RXFP1: variants seen among roughly 807,000 people sequenced by gnomAD.
RXFP1 encodes the protein relaxin family peptide receptor 1, also known as relaxin receptor 1.
RXFP1 carries 73 observed loss-of-function variants against 89.8 expected under a neutral mutation model. The observed-to-expected ratio is 0.81, with a 90% confidence interval of 0.67 to 0.99. The LOEUF (loss-of-function observed/expected upper bound fraction) is 0.99. Ranked by LOEUF, RXFP1 falls within the 50% of genes least tolerant of loss-of-function variation. RXFP1 has a pLI of 0.00. For synonymous variants in RXFP1, 277 were observed against 305.5 expected (o/e 0.91, Z 0.97); for missense variants, 793 against 895.5 (o/e 0.89, Z 1.46).
chr4:158,578,448 CA>C (rs34291609), intron 2 of RXFP1, among the ~76,000 whole-genome samples: 1 of 152,132 alleles, frequency 6.6e-6, no homozygotes, highest in Admixed American at 6.5e-5. Context: ...AACCTGATAA[CA>C]AAAAGTTGAG....
chr4:158,541,120 T>C (rs1019242705), intron 1 of RXFP1, among the ~76,000 whole-genome samples: 25 of 152,126 alleles, frequency 1.6e-4, no homozygotes, highest in Non-Finnish European at 7.4e-5. Context: ...TTTTGTTATT[T>C]TCCCACAAAA....
intron 1 of RXFP1, among the ~76,000 whole-genome samples, chr4:158,565,369 C>T (rs1305498523): frequency 4.6e-5 from 7 of 151,932 alleles, no homozygotes; most frequent in Non-Finnish European, 1.0e-4. Flanking sequence ...TATGAATAAC[C>T]ATACATATAT....
chr4:158,633,224 G>T (rs1477751721), intron 11 of RXFP1, among the ~76,000 whole-genome samples, 181 bp from the exon 12 acceptor site: 2 of 151,766 alleles, frequency 1.3e-5, no homozygotes, highest in Non-Finnish European at 2.9e-5. Context: ...ATGATGAAAT[G>T]GAATAAAATA....
chr4:158,555,853 G>T (rs147948051), intron 1 of RXFP1, among the ~76,000 whole-genome samples: 138 of 152,222 alleles, frequency 9.1e-4, no homozygotes, highest in Middle Eastern at 6.8e-3. Context: ...TCAATAAATG[G>T]TTCTGGGAAA....
At chr4:158,527,057 G>T (rs1349147599) in intron 1 of RXFP1, among the ~76,000 whole-genome samples, 1 of 152,118 alleles carries the variant, frequency 6.6e-6, no homozygotes, top group Non-Finnish European at 1.5e-5. Context: ...AGGGTGCTCA[G>T]TTGAACCAAA....
intron 4 of RXFP1, 66 bp from the exon 5 acceptor site, chr4:158,605,002 C>T: frequency 1.2e-6 from 1 of 825,358 alleles, no homozygotes; most frequent in South Asian, 1.7e-5. Flanking sequence ...TGTAATTATC[C>T]CTATTGTTGT....
At chr4:158,568,287 A>G (rs1007389429) in intron 1 of RXFP1, among the ~76,000 whole-genome samples, 5 of 152,262 alleles carry the variant, frequency 3.3e-5, no homozygotes, top group African/African-American at 7.2e-5. Flanking sequence ...TTCCGGACAC[A>G]ATACAATCAT....
intron 2 of RXFP1, among the ~76,000 whole-genome samples, chr4:158,585,687 G>C (rs1004590898): frequency 7.9e-5 from 12 of 152,130 alleles, no homozygotes; most frequent in Admixed American, 7.2e-4. Flanking sequence ...GAAAAAAAAA[G>C]ATAAAAGTAC....
At chr4:158,564,512 G>A (rs1324655689) in intron 1 of RXFP1, among the ~76,000 whole-genome samples, 4 of 152,206 alleles carry the variant, frequency 2.6e-5, no homozygotes, top group Admixed American at 6.5e-5. Flanking sequence ...CATCCTCCAA[G>A]CCAGAGAGAC....
rs750066603 is a variant in RXFP1 at position 158,633,465 on chromosome 4, G to C, written c.960G>C (p.Glu320Asp). The change falls in exon 12 of 18, where the codon GAG becomes GAC. Residue 320 changes from glutamate (E) to aspartate (D), a missense_variant. Transcript: ENST00000307765. ...LPPLIFKDLK[E>D]LSQLNLSYNP... ...CGCTTATATTCAAGGACCTGAAGGA[G>C]CTGTCACAATTGTAAGACTGATGTT... 1 of 1,596,036 alleles carries C rather than the reference G, an allele frequency of 6.3e-7. No homozygotes were observed. The highest frequency in any genetic ancestry group is 1.7e-5 in the Admixed American group (1 of 58,922).
intron 1 of RXFP1, among the ~76,000 whole-genome samples, chr4:158,566,977 A>T (rs1329402607): frequency 6.6e-6 from 1 of 152,192 alleles, no homozygotes; most frequent in South Asian, 2.1e-4. Flanking sequence ...GGCTGCGTGC[A>T]GCGCTTGCAG....
chr4:158,645,611 T>C (rs1490762610), intron 15 of RXFP1, among the ~76,000 whole-genome samples: 1 of 152,136 alleles, frequency 6.6e-6, no homozygotes, highest in Non-Finnish European at 1.5e-5. Flanking sequence ...AATAAGAAAA[T>C]ATTTTTAGGG....
chr4:158,606,706 C>G (rs541837927), intron 5 of RXFP1, among the ~76,000 whole-genome samples: 1 of 151,892 alleles, frequency 6.6e-6, no homozygotes, highest in South Asian at 2.1e-4. Context: ...ACCTCAGACT[C>G]CCAGGTAGCT....
intron 1 of RXFP1, among the ~76,000 whole-genome samples, chr4:158,549,498 C>A (rs2149879987): frequency 6.6e-6 from 1 of 152,316 alleles, no homozygotes; most frequent in East Asian, 1.9e-4. Context: ...TAGTGAGGAG[C>A]TGCGTTCCTT....
chr4:158,617,419 C>CAAA (rs201739625), intron 9 of RXFP1, among the ~76,000 whole-genome samples: 325 of 142,978 alleles, frequency 2.3e-3, no homozygotes, highest in African/African-American at 7.8e-3. Context: ...TAAAACATCT[C>CAAA]AAAAAAAATA....
intron 1 of RXFP1, among the ~76,000 whole-genome samples, chr4:158,531,710 G>A (rs570374642): frequency 3.3e-5 from 5 of 152,118 alleles, no homozygotes; most frequent in African/African-American, 4.8e-5. Context: ...ATCCAGGTAC[G>A]ATATATAGTG....
chr4:158,579,158 A>G (rs1756839946), intron 2 of RXFP1, among the ~76,000 whole-genome samples: 1 of 151,606 alleles, frequency 6.6e-6, no homozygotes, highest in Non-Finnish European at 1.5e-5. Context: ...CAGAAGCTGA[A>G]AGAGGCAAGG....
In RXFP1 at chr4:158,572,915, A is replaced by T. The variant is rs529344601; in HGVS notation, c.187+80A>T. 4 of 1,548,558 alleles carry T rather than the reference A, an allele frequency of 2.6e-6. No individual in the cohort carries two copies. In the Admixed American group the frequency reaches 7.7e-5, roughly 30 times the overall value. On this transcript the variant is annotated intron_variant, in intron 2 of 17. Transcript: ENST00000307765. ...TGAAGTCGCTGAGACTTCTCTCAAC[A>T]AAAAGACAAAACTAAATTGAAATAC...
intron 8 of RXFP1, among the ~76,000 whole-genome samples, chr4:158,612,650 G>A (rs1285737064): frequency 4.2e-5 from 6 of 142,570 alleles, no homozygotes; most frequent in Admixed American, 7.3e-5. Flanking sequence ...TCACTGTATC[G>A]CCCAGGCTGG....
Sources: gnomAD v4.1 joint callset for allele counts (sites outside exome capture counted in the v4.1 genomes callset) on GRCh38, gnomAD v4.1.1 for gene constraint, MANE v1.5 for transcripts, NCBI Gene and HGNC (gene_info 2026-07-23, HGNC 2026-07-21) for gene names.